Variants in ZMYM2 observed in about 807,000 individuals in gnomAD.
ZMYM2 encodes the protein zinc finger MYM-type protein 2.
In ZMYM2, 56 loss-of-function variants were observed where a neutral mutation model predicts 162.8. That is an observed-to-expected ratio of 0.34 (90% CI 0.28 to 0.43). ZMYM2 has a LOEUF of 0.43. Ranked by LOEUF, ZMYM2 falls within the 20% of genes least tolerant of loss-of-function variation. The probability of loss-of-function intolerance (pLI) is 1.00; values close to 1 mark genes in which losing one functional copy is unlikely to be tolerated. For synonymous variants in ZMYM2, 510 were observed against 541.6 expected (o/e 0.94, Z 0.81); for missense variants, 1,275 against 1,621.8 (o/e 0.79, Z 3.67).
chr13:20,045,089 ATT>A (rs1954643797), intron 12 of ZMYM2, among the ~76,000 whole-genome samples: 1 of 151,414 alleles, frequency 6.6e-6, no homozygotes, highest in Non-Finnish European at 1.5e-5. Flanking sequence ...GAAGACAGAC[ATT>A]ATCATGACTT....
At chr13:19,964,430 A>C (rs548210264) in intron 2 of ZMYM2, among the ~76,000 whole-genome samples, 4 of 152,238 alleles carry the variant, frequency 2.6e-5, no homozygotes, top group African/African-American at 7.2e-5. Flanking sequence ...ATGCATGTTT[A>C]ATAGGTCGGT....
chr13:20,070,319 G>A (rs1229047126), intron 21 of ZMYM2: 3 of 219,084 alleles, frequency 1.4e-5, no homozygotes, highest in Non-Finnish European at 3.0e-5. Flanking sequence ...TGGGAATGGT[G>A]TATATTCTTT....
chr13:19,891,324 A>T, the ZMYM2 span, among the ~76,000 whole-genome samples: 3 of 152,004 alleles, frequency 2.0e-5, no homozygotes, highest in South Asian at 2.1e-4. Context: ...GCCTCACCAG[A>T]TATCAACCTT....
intron 7 of ZMYM2, among the ~76,000 whole-genome samples, chr13:20,020,553 C>T (rs981882499): frequency 6.6e-6 from 1 of 152,012 alleles, no homozygotes; most frequent in African/African-American, 2.4e-5. Flanking sequence ...GTTTTTAGGC[C>T]TTTTCCCAAC....
At chr13:19,872,450 T>C in the ZMYM2 span, among the ~76,000 whole-genome samples, 31 of 152,088 alleles carry the variant, frequency 2.0e-4, no homozygotes, top group South Asian at 4.8e-3. Flanking sequence ...CTTGGGAGGC[T>C]GAGGCAAGAG....
At chr13:20,072,500 A>G (rs1957161862) in intron 21 of ZMYM2, among the ~76,000 whole-genome samples, 1 of 152,260 alleles carries the variant, frequency 6.6e-6, no homozygotes, top group South Asian at 2.1e-4. Context: ...CAGCCTGGGC[A>G]GCAAGAGCAA....
At chr13:20,080,077 C>G (rs1566473668) in intron 21 of ZMYM2, among the ~76,000 whole-genome samples, 1 of 152,146 alleles carries the variant, frequency 6.6e-6, no homozygotes, top group Non-Finnish European at 1.5e-5. Flanking sequence ...ATATTTTAAG[C>G]AATCACTGCT....
intron 2 of ZMYM2, among the ~76,000 whole-genome samples, chr13:19,987,620 C>CGTGTGTGTGTGTGTGT (rs756005409): frequency 2.2e-4 from 27 of 121,300 alleles, no homozygotes; most frequent in Non-Finnish European, 3.3e-4. Flanking sequence ...GGGGTTTTGT[C>CGTGTGTGTGTGTGTGT]GTGTGTGTGT....
intron 21 of ZMYM2, among the ~76,000 whole-genome samples, chr13:20,075,670 C>CTTGTTTTTTTTTTTT (rs1957436130): frequency 1.3e-5 from 1 of 75,738 alleles, no homozygotes; most frequent in Non-Finnish European, 2.5e-5. Context: ...CTATAGACAC[C>CTTGTTTTTTTTTTTT]TTTTTTTTTT....
At chr13:19,962,285 C>CCTT (rs1034524762) in intron 2 of ZMYM2, among the ~76,000 whole-genome samples, 1 of 151,730 alleles carries the variant, frequency 6.6e-6, no homozygotes. Flanking sequence ...TGAATCTTTA[C>CCTT]CTTCAGTCAG....
intron 2 of ZMYM2, among the ~76,000 whole-genome samples, chr13:19,976,240 A>G (rs1956775752): frequency 1.3e-5 from 2 of 151,738 alleles, no homozygotes; most frequent in African/African-American, 4.8e-5. Flanking sequence ...AGGCAGGAGA[A>G]TCACTTGAAC....
At chr13:19,918,376 T>C in the ZMYM2 span, among the ~76,000 whole-genome samples, 7 of 150,192 alleles carry the variant, frequency 4.7e-5, no homozygotes, top group Non-Finnish European at 1.0e-4. Context: ...GCCTGGGAGG[T>C]GGAGGCTCCA....
chr13:19,899,625 G>A, the ZMYM2 span, among the ~76,000 whole-genome samples: 2 of 151,436 alleles, frequency 1.3e-5, no homozygotes, highest in African/African-American at 4.9e-5. Context: ...TGACCAGCCT[G>A]GCCAACATGG....
the ZMYM2 span, among the ~76,000 whole-genome samples, chr13:19,885,929 G>GTATACACA: frequency 2.4e-5 from 1 of 41,562 alleles, no homozygotes; most frequent in African/African-American, 9.8e-5. Flanking sequence ...ATATATATGT[G>GTATACACA]TATACACATA....
chr13:19,894,445 G>A, the ZMYM2 span, among the ~76,000 whole-genome samples: 1 of 151,110 alleles, frequency 6.6e-6, no homozygotes, highest in African/African-American at 2.5e-5. Flanking sequence ...TCCCGGGTTC[G>A]AATGATTCTT....
the ZMYM2 span, among the ~76,000 whole-genome samples, chr13:19,868,943 G>T: frequency 2.0e-5 from 3 of 151,974 alleles, no homozygotes; most frequent in African/African-American, 7.3e-5. Flanking sequence ...TAGAGACGGG[G>T]TTTCACCACA....
chr13:20,049,788 T>C (rs1205230264), intron 12 of ZMYM2, among the ~76,000 whole-genome samples: 1 of 152,030 alleles, frequency 6.6e-6, no homozygotes, highest in African/African-American at 2.4e-5. Context: ...TGGCTTTTAT[T>C]TCAGGTTCTC....
chr13:19,984,177 T>C (rs1948957517), intron 2 of ZMYM2, among the ~76,000 whole-genome samples: 1 of 152,244 alleles, frequency 6.6e-6, no homozygotes, highest in African/African-American at 2.4e-5. Context: ...TCAGCCTTTT[T>C]CAGCAAGCAC....
chr13:20,014,852 C>A (rs1050656907), intron 6 of ZMYM2, among the ~76,000 whole-genome samples: 2 of 149,546 alleles, frequency 1.3e-5, no homozygotes, highest in Non-Finnish European at 3.0e-5. Context: ...TGCACCCTCA[C>A]CTCCCAGGTT....
Sources: allele counts gnomAD v4.1 joint callset (sites outside exome capture counted in the v4.1 genomes callset), GRCh38; gene constraint gnomAD v4.1.1; transcripts MANE v1.5; gene names NCBI Gene and HGNC (gene_info 2026-07-23, HGNC 2026-07-21).